Variants in EIF2S1 observed in about 807,000 individuals in gnomAD.
EIF2S1 encodes the protein eukaryotic translation initiation factor 2 subunit 1.
A neutral mutation model predicts 33.5 loss-of-function variants in EIF2S1; 5 were observed. The ratio of observed to expected loss-of-function variants is 0.15; its 90% confidence interval spans 0.08 to 0.31. The LOEUF is 0.31. Among genes scored for constraint, EIF2S1 ranks in the 10% least tolerant of loss-of-function variants. EIF2S1 has a pLI of 1.00. For synonymous variants in EIF2S1, 99 were observed against 127.5 expected, an observed-to-expected ratio of 0.78 and a Z score of 1.51; for missense variants, 191 against 384.6, an observed-to-expected ratio of 0.50 and a Z score of 4.21.
intron 1 of EIF2S1, chr14:67,364,550 C>T (rs773018855): frequency 8.1e-5 from 37 of 457,424 alleles, no homozygotes; most frequent in East Asian, 6.8e-4. Flanking sequence ...ATCACCCAAG[C>T]ATTACAAAAA....
intron 4 of EIF2S1, among the ~76,000 whole-genome samples, chr14:67,377,659 A>G (rs945852085): frequency 1.3e-5 from 2 of 152,036 alleles, no homozygotes. Flanking sequence ...AGAGATCTCT[A>G]TTAGTTACTT....
rs753105729 is a variant in EIF2S1, at chr14:67,385,261, TGAA to T, written c.*1825_*1827del. Reference sequence around the variant, plus strand: ...GGTATACACCCAGTTCTGAATAACTTGAAGAACAGGCTTGGCAAAGAAGTAAGT... The same window carrying T: ...GGTATACACCCAGTTCTGAATAACTTGAACAGGCTTGGCAAAGAAGTAAGT... On this transcript the variant is annotated 3_prime_UTR_variant, in exon 8 of 8. Transcript: ENST00000256383. The T allele has an allele frequency of 5.9e-5, 9 of 152,158 alleles. No individual in the cohort carries two copies. The highest frequency in any genetic ancestry group is 1.2e-4 in the Non-Finnish European group (8 of 68,032). The allele number at this position is 152,158 out of a possible 1,614,324, so 9.4% of individuals were successfully genotyped here. A position where few individuals can be genotyped will look rare whatever the true frequency, so the allele number is the denominator to read the frequency against.
chr14:67,363,571 G>C (rs1480246050), intron 1 of EIF2S1, among the ~76,000 whole-genome samples: 1 of 152,142 alleles, frequency 6.6e-6, no homozygotes, highest in African/African-American at 2.4e-5. Flanking sequence ...TTCAAATCCT[G>C]ACTCATCACC....
At position 67,383,453 on chromosome 14, in the gene EIF2S1, C is replaced by CA; in HGVS notation, c.*14dup. On this transcript the variant is annotated 3_prime_UTR_variant, in exon 8 of 8. Coordinates refer to ENST00000256383, the MANE Select transcript of EIF2S1 (RefSeq NM_004094.5). ...AGCTGAAGATTAACTTTGTGGGAAA[C>CA]AGAGTCCAATTTAAGGAACACAGAG... The CA allele has an allele frequency of 6.2e-7, 1 of 1,612,026 alleles. No individual in the cohort carries two copies. Among genetic ancestry groups the CA allele is most frequent in the Non-Finnish European group, 8.5e-7 (1 of 1,178,590 alleles).
At chr14:67,363,093 T>G (rs2085753175) in intron 1 of EIF2S1, among the ~76,000 whole-genome samples, 2 of 152,176 alleles carry the variant, frequency 1.3e-5, no homozygotes, top group Non-Finnish European at 2.9e-5. Context: ...GTCAAATGTC[T>G]TGCAACTGTT....
chr14:67,365,444 C>T (rs1349352997), intron 2 of EIF2S1, among the ~76,000 whole-genome samples: 2 of 152,134 alleles, frequency 1.3e-5, no homozygotes, highest in African/African-American at 4.8e-5. Flanking sequence ...TTTATATAAG[C>T]TTTGAAAAAG....
intron 2 of EIF2S1, among the ~76,000 whole-genome samples, chr14:67,366,952 A>T (rs534402017): frequency 3.3e-5 from 5 of 152,192 alleles, no homozygotes; most frequent in Admixed American, 2.0e-4. Flanking sequence ...TTGGCTTTAG[A>T]ACTGGAGGCG....
At chr14:67,373,652 G>A (rs147360712) in intron 2 of EIF2S1, among the ~76,000 whole-genome samples, 12 of 152,270 alleles carry the variant, frequency 7.9e-5, no homozygotes, top group Admixed American at 2.6e-4. Context: ...GCTATTTGAC[G>A]TTGACAAGTT....
chr14:67,383,465 T>TA lies in EIF2S1; in HGVS notation c.*27dup. ...ACTTTGTGGGAAACAGAGTCCAATT[T>TA]AAGGAACACAGAGCAGCGCTTCCTG... is the stretch of plus-strand genomic sequence containing the variant. On this transcript the variant is annotated 3_prime_UTR_variant, in exon 8 of 8. Transcript: ENST00000256383. The TA allele has an allele frequency of 6.2e-7, 1 of 1,611,048 alleles. No homozygotes were observed. Among genetic ancestry groups the TA allele is most frequent in the South Asian group, 1.1e-5 (1 of 90,956 alleles).
At chr14:67,363,124 G>A (rs1456824578) in intron 1 of EIF2S1, among the ~76,000 whole-genome samples, 1 of 152,090 alleles carries the variant, frequency 6.6e-6, no homozygotes, top group East Asian at 1.9e-4. Flanking sequence ...CTGTAACATA[G>A]TTTATTTTTA....
In EIF2S1 at chr14:67,380,692, T is replaced by C; in HGVS notation, c.507T>C (p.Asn169=). The change falls in exon 5 of 8, where the codon AAT becomes AAC. Residue 169 remains asparagine (N), a synonymous_variant. Coordinates refer to ENST00000256383, the MANE Select transcript of EIF2S1 (RefSeq NM_004094.5). The stretch of plus-strand genomic sequence containing the variant: ...CTATTTTGGATAGTTTAGATTTGAA[T>C]GAAGATGAACGGGAAGTACTCATTA... ...DPSILDSLDL[N]EDEREVLINN... is the part of the protein sequence containing the mutation. 6.3e-7 allele frequency: 1 copy of C among 1,582,838 alleles called. No individual in the cohort carries two copies. Among genetic ancestry groups the C allele is most frequent in the South Asian group, 1.2e-5 (1 of 84,614 alleles).
chr14:67,364,145 G>C (rs2085759439), intron 1 of EIF2S1: 1 of 152,188 alleles, frequency 6.6e-6, no homozygotes, highest in Non-Finnish European at 1.5e-5. Flanking sequence ...GATAAGAGAA[G>C]CTAGACATTG....
chr14:67,362,580 A>T (rs1439944053), intron 1 of EIF2S1, among the ~76,000 whole-genome samples: 1 of 152,188 alleles, frequency 6.6e-6, no homozygotes, highest in African/African-American at 2.4e-5. Context: ...TCTAGTAAGT[A>T]GCAGAGCAAG....
chr14:67,369,665 T>C lies in EIF2S1; in HGVS notation c.241+4657T>C, dbSNP rs531789171. Reference sequence around the variant, plus strand: ...AAGTAATTTTGAAATCAGTGTCATATCTTGGGAGGGAAGAGTTTGCAGTAT... The same window carrying C: ...AAGTAATTTTGAAATCAGTGTCATACCTTGGGAGGGAAGAGTTTGCAGTAT... On this transcript the variant is annotated intron_variant, in intron 2 of 7. Coordinates refer to ENST00000256383, the MANE Select transcript of EIF2S1 (RefSeq NM_004094.5). Among the ~76,000 whole-genome samples the C allele has an allele frequency of 3.9e-5, 6 of 152,362 alleles. 1 individual carries two copies. In the South Asian group the frequency reaches 8.3e-4, roughly 21 times the overall value.
intron 2 of EIF2S1, among the ~76,000 whole-genome samples, chr14:67,365,382 A>G (rs2085768686): frequency 6.6e-6 from 1 of 152,238 alleles, no homozygotes; most frequent in African/African-American, 2.4e-5. Context: ...CTAAAATAGT[A>G]ATGAGATCAC....
In EIF2S1 at chr14:67,383,298, T is replaced by C. The variant is rs1380997143; in HGVS notation, c.823-17T>C. 8 of 1,611,602 alleles carry C rather than the reference T, an allele frequency of 5.0e-6. No individual in the cohort carries two copies. Among genetic ancestry groups the C allele is most frequent in the Non-Finnish European group, 6.8e-6 (8 of 1,178,218 alleles). On this transcript the variant is annotated splice_polypyrimidine_tract_variant and intron_variant, in intron 7 of 7. Transcript: ENST00000256383. ...TATTTACTACTTCAGTTTGAAATTA[T>C]ACCTCTGCTTCCACAGCCCAAAGTG...
At chr14:67,369,920 G>T (rs746737109) in intron 2 of EIF2S1, among the ~76,000 whole-genome samples, 1 of 152,174 alleles carries the variant, frequency 6.6e-6, no homozygotes. Context: ...AAATATAGGG[G>T]TGTGAAGTGG....
In EIF2S1 at chr14:67,364,947, C is replaced by T. The variant is rs551574461; in HGVS notation, c.180C>T (p.Asn60=). 6.2e-7 allele frequency: 1 copy of T among 1,614,008 alleles called. No individual in the cohort carries two copies. Among genetic ancestry groups the T allele is most frequent in the Admixed American group, 1.7e-5 (1 of 60,012 alleles). Residue 60 remains asparagine, a synonymous_variant, in exon 2 of 8, where the codon AAC becomes AAT. Coordinates refer to ENST00000256383, the MANE Select transcript of EIF2S1 (RefSeq NM_004094.5). ...CCAGAAGGCGTATCCGTTCTATCAA[C>T]AAACTCATCCGAATTGGCAGGAATG... is the stretch of plus-strand genomic sequence containing the variant. ...ELSRRRIRSI[N]KLIRIGRNEC... is the part of the protein sequence containing the mutation.
intron 2 of EIF2S1, among the ~76,000 whole-genome samples, chr14:67,374,025 G>T (rs1471486223): frequency 6.6e-6 from 1 of 152,014 alleles, no homozygotes; most frequent in Non-Finnish European, 1.5e-5. Context: ...TCTCCAGTAA[G>T]GTAATGGAAT....
Sources: gnomAD v4.1 joint callset for allele counts (sites outside exome capture counted in the v4.1 genomes callset) on GRCh38, gnomAD v4.1.1 for gene constraint, MANE v1.5 for transcripts, NCBI Gene and HGNC (gene_info 2026-07-23, HGNC 2026-07-21) for gene names.